Variants in MPPED2 observed in about 807,000 individuals in gnomAD.
The protein encoded by MPPED2 is metallophosphoesterase domain containing 2, also known as metallophosphoesterase MPPED2.
Under a neutral mutation model 33.0 loss-of-function variants are expected in MPPED2, and 5 were observed. That is an observed-to-expected ratio of 0.15 (90% CI 0.08 to 0.32). The LOEUF (loss-of-function observed/expected upper bound fraction) is 0.32, where lower values mean the gene tolerates loss of function less well. MPPED2 is among the 10% of genes least tolerant of loss of function. The probability of loss-of-function intolerance (pLI) is 1.00; values close to 1 mark genes in which losing one functional copy is unlikely to be tolerated. For synonymous variants in MPPED2, 136 were observed against 141.9 expected (o/e 0.96, Z 0.29); for missense variants, 275 against 372.1 (o/e 0.74, Z 2.15).
At chr11:30,446,207 G>C (rs1023902998) in intron 4 of MPPED2, among the ~76,000 whole-genome samples, 22 of 152,196 alleles carry the variant, frequency 1.4e-4, no homozygotes, top group African/African-American at 4.6e-4. Flanking sequence ...TGTGCGGTTA[G>C]AGGAGACTGG....
chr11:30,432,968 C>G (rs1247668033), intron 4 of MPPED2, among the ~76,000 whole-genome samples: 1 of 152,214 alleles, frequency 6.6e-6, no homozygotes, highest in African/African-American at 2.4e-5. Flanking sequence ...AGCCTCTAAT[C>G]TTCAGCTTTT....
intron 4 of MPPED2, among the ~76,000 whole-genome samples, chr11:30,444,867 C>T (rs1253025830): frequency 1.3e-5 from 2 of 152,150 alleles, no homozygotes; most frequent in African/African-American, 2.4e-5. Flanking sequence ...CCCTGCACTA[C>T]CTTAATTAAA....
chr11:30,574,007 C>T (rs981309857), intron 2 of MPPED2, among the ~76,000 whole-genome samples: 4 of 152,140 alleles, frequency 2.6e-5, no homozygotes, highest in Non-Finnish European at 4.4e-5. Context: ...AATTAAAAAG[C>T]GTATAAAGTA....
intron 4 of MPPED2, among the ~76,000 whole-genome samples, chr11:30,431,069 G>A (rs201245290): frequency 6.6e-6 from 1 of 152,182 alleles, no homozygotes; most frequent in East Asian, 1.9e-4. Context: ...TAAGTTTTCC[G>A]AAGCTAAGAA....
At chr11:30,455,276 C>T (rs1818698190) in intron 4 of MPPED2, among the ~76,000 whole-genome samples, 1 of 152,210 alleles carries the variant, frequency 6.6e-6, no homozygotes, top group East Asian at 1.9e-4. Flanking sequence ...TTTTCTGCCC[C>T]ATTCCTGCTG....
At chr11:30,513,307 G>A (rs1426251941) in intron 3 of MPPED2, among the ~76,000 whole-genome samples, 3 of 152,118 alleles carry the variant, frequency 2.0e-5, no homozygotes, top group Non-Finnish European at 1.5e-5. Flanking sequence ...ACAGATGACT[G>A]TTTCTCTTTC....
chr11:30,496,044 C>G (rs1443668276), intron 3 of MPPED2, among the ~76,000 whole-genome samples: 5 of 152,146 alleles, frequency 3.3e-5, no homozygotes, highest in Non-Finnish European at 7.4e-5. Context: ...TATTTCAACT[C>G]TAATTTTAAG....
chr11:30,512,997 G>C (rs1175113333), intron 3 of MPPED2, among the ~76,000 whole-genome samples: 2 of 150,836 alleles, frequency 1.3e-5, no homozygotes, highest in Non-Finnish European at 3.0e-5. Context: ...ACAACAGAGG[G>C]AGACTCTGTC....
At chr11:30,526,010 C>T (rs190130249) in intron 3 of MPPED2, among the ~76,000 whole-genome samples, 2 of 152,192 alleles carry the variant, frequency 1.3e-5, no homozygotes. Context: ...ATTATTTTCC[C>T]CCAAGTACTT....
chr11:30,457,101 AC>A (rs1715006795), intron 4 of MPPED2, among the ~76,000 whole-genome samples: 1 of 152,042 alleles, frequency 6.6e-6, no homozygotes, highest in Non-Finnish European at 1.5e-5. Context: ...CACTTATATG[AC>A]TTCTGTTGGT....
At chr11:30,531,782 C>G (rs11031125) in intron 3 of MPPED2, among the ~76,000 whole-genome samples, 11 of 152,108 alleles carry the variant, frequency 7.2e-5, no homozygotes, top group Non-Finnish European at 1.3e-4. Flanking sequence ...GGCCAGCTTA[C>G]GTAGAGAGGC....
At position 30,493,692 on chromosome 11, in the gene MPPED2, A is replaced by G. The variant is rs779942269; in HGVS notation, c.536+1604T>C. Among the ~76,000 whole-genome samples the G allele has an allele frequency of 3.3e-5, 5 of 152,230 alleles. No homozygotes were observed. In the Middle Eastern group the frequency reaches 0.01, roughly 311 times the overall value. On this transcript the variant is annotated intron_variant, in intron 4 of 6. Coordinates refer to ENST00000358117, the MANE Select transcript of MPPED2 (RefSeq NM_001584.3). ...AAAAAAAAAACTGGCTCTAGGGCCT[A>G]AATGACTTGCCTAAGTTCACATAAA...
chr11:30,527,425 TG>T (rs1954259312), intron 3 of MPPED2, among the ~76,000 whole-genome samples: 1 of 149,718 alleles, frequency 6.7e-6, no homozygotes, highest in Non-Finnish European at 1.5e-5. Context: ...AGCCTGGTGC[TG>T]GAGATTGTTA....
chr11:30,550,940 C>G (rs1200689085), intron 2 of MPPED2, among the ~76,000 whole-genome samples: 1 of 152,162 alleles, frequency 6.6e-6, no homozygotes, highest in African/African-American at 2.4e-5. Context: ...AACTACTTTG[C>G]CCCTCTGACC....
At position 30,583,872 on chromosome 11, in the gene MPPED2, G is replaced by A. The variant is rs1236157716; in HGVS notation, c.-122+2170C>T. ...CCCCAAGATCTCCAGACCGAGCCTGGCGGGACTTTGGAACTTGCCTGCTCC... is the reference window on the plus strand; with the variant it reads ...CCCCAAGATCTCCAGACCGAGCCTGACGGGACTTTGGAACTTGCCTGCTCC... On this transcript the variant is annotated intron_variant, in intron 1 of 6. Transcript: ENST00000358117. Among the ~76,000 whole-genome samples the A allele has an allele frequency of 2.0e-5, 3 of 152,132 alleles. No homozygotes were observed. The East Asian group carries it at 5.8e-4, about 29-fold the overall frequency.
At chr11:30,476,902 C>G (rs1439160309) in intron 4 of MPPED2, among the ~76,000 whole-genome samples, 2 of 151,902 alleles carry the variant, frequency 1.3e-5, no homozygotes, top group East Asian at 3.9e-4. Context: ...ATTTTTTCAG[C>G]AATGTTGTTT....
At chr11:30,414,396 A>AT (rs1359585532) in intron 5 of MPPED2, 55 bp from the exon 6 acceptor site, 2 of 1,147,314 alleles carry the variant, frequency 1.7e-6, no homozygotes, top group African/African-American at 3.0e-5. Context: ...GTAAGGTTTC[A>AT]TTTAGACTTT....
At chr11:30,452,130 A>G (rs969337760) in intron 4 of MPPED2, 1 of 982,440 alleles carries the variant, frequency 1.0e-6, no homozygotes, top group South Asian at 4.7e-5. Context: ...CTCTACTTAA[A>G]AATCTTCAAG....
intron 4 of MPPED2, chr11:30,452,216 C>G: frequency 1.4e-5 from 5 of 362,254 alleles, no homozygotes; most frequent in Non-Finnish European, 1.9e-5. Flanking sequence ...AGCACTCTGG[C>G]TGCACTGACC....
Sources: allele counts gnomAD v4.1 joint callset (sites outside exome capture counted in the v4.1 genomes callset), GRCh38; gene constraint gnomAD v4.1.1; transcripts MANE v1.5; gene names NCBI Gene and HGNC (gene_info 2026-07-23, HGNC 2026-07-21).